Variants in DLGAP2 observed in about 807,000 individuals in gnomAD.
The protein encoded by DLGAP2 is disks large-associated protein 2.
DLGAP2 carries 26 observed loss-of-function variants against 100.3 expected under a neutral mutation model. The observed-to-expected ratio is 0.26, with a 90% CI of 0.19 to 0.36. DLGAP2 has a LOEUF of 0.36. DLGAP2 is among the 10% of genes least tolerant of loss of function. The probability of loss-of-function intolerance (pLI) is 1.00; values close to 1 mark genes in which losing one functional copy is unlikely to be tolerated. For missense variants in DLGAP2, 1,858 were observed against 1,453.2 expected (o/e 1.28, Z -4.53); for synonymous variants, 886 against 630.1 (o/e 1.41, Z -6.08).
At chr8:958,031 C>T (rs999159651) in intron 2 of DLGAP2, among the ~76,000 whole-genome samples, 8 of 152,170 alleles carry the variant, frequency 5.3e-5, no homozygotes, top group Non-Finnish European at 1.0e-4. Context: ...CATTAAACAG[C>T]AGCCCTCGCT....
At chr8:1,434,808 G>A (rs148913319) in intron 3 of DLGAP2, among the ~76,000 whole-genome samples, 23 of 152,264 alleles carry the variant, frequency 1.5e-4, no homozygotes, top group African/African-American at 4.8e-4. Flanking sequence ...AAAATGCTCC[G>A]TGAACATGAG....
chr8:812,255 G>A (rs1478301755), intron 1 of DLGAP2, among the ~76,000 whole-genome samples: 8 of 152,162 alleles, frequency 5.3e-5, no homozygotes, highest in Non-Finnish European at 8.8e-5. Flanking sequence ...GGAGGTGAAG[G>A]CCCCATGACC....
intron 2 of DLGAP2, among the ~76,000 whole-genome samples, chr8:976,602 A>T (rs1003160899): frequency 6.6e-6 from 1 of 151,964 alleles, no homozygotes; most frequent in African/African-American, 2.4e-5. Flanking sequence ...ACAGAGCAAG[A>T]CTCTGTCTCA....
At chr8:1,369,346 C>G (rs907483477) in intron 3 of DLGAP2, 1 of 152,296 alleles carries the variant, frequency 6.6e-6, no homozygotes, top group South Asian at 2.1e-4. Flanking sequence ...TTGCTGTGAC[C>G]TCACATGGTC....
intron 2 of DLGAP2, among the ~76,000 whole-genome samples, chr8:1,101,076 CAG>C (rs1165567803): frequency 6.6e-6 from 1 of 152,232 alleles, no homozygotes; most frequent in Non-Finnish European, 1.5e-5. Context: ...GTCTACTCCT[CAG>C]GGGCTAGAAG....
At chr8:1,418,890 G>A (rs527784509) in intron 3 of DLGAP2, among the ~76,000 whole-genome samples, 14 of 152,314 alleles carry the variant, frequency 9.2e-5, no homozygotes, top group African/African-American at 3.4e-4. Flanking sequence ...GGGTTCCCAT[G>A]GCTCTACCTC....
chr8:1,221,414 T>G (rs1798312273), intron 2 of DLGAP2, among the ~76,000 whole-genome samples: 1 of 152,228 alleles, frequency 6.6e-6, no homozygotes, highest in Non-Finnish European at 1.5e-5. Flanking sequence ...TTACGGATGC[T>G]GAATATAGTT....
chr8:1,333,910 T>A (rs1248017397), intron 3 of DLGAP2, among the ~76,000 whole-genome samples: 1 of 152,244 alleles, frequency 6.6e-6, no homozygotes, highest in Non-Finnish European at 1.5e-5. Flanking sequence ...GCCTCCCATC[T>A]GAGGCTCAGC....
intron 3 of DLGAP2, among the ~76,000 whole-genome samples, chr8:1,491,988 G>T (rs1446391328): frequency 1.3e-5 from 2 of 152,212 alleles, no homozygotes; most frequent in African/African-American, 4.8e-5. Flanking sequence ...CTCCGCTGTC[G>T]TGCGCCTTTG....
chr8:1,473,951 C>G (rs949110363), intron 3 of DLGAP2, among the ~76,000 whole-genome samples: 1 of 152,172 alleles, frequency 6.6e-6, no homozygotes, highest in African/African-American at 2.4e-5. Flanking sequence ...ATTACCCAGT[C>G]TTGTATATGT....
rs144888645 is a variant in DLGAP2 at position 1,646,547 on chromosome 8, A to G, written c.1810+13501A>G. 4.1e-3 allele frequency among the ~76,000 whole-genome samples: 629 copies of G among 152,370 alleles called. 2 individuals carry two copies. Among genetic ancestry groups the G allele is most frequent in the African/African-American group, 0.015 (607 of 41,592 alleles). ...TTTTTCAGGTTCTGTATTTAAAATG[A>G]TCAGAGAATTTACTAAGAGAATTCT... On this transcript the variant is annotated intron_variant, in intron 8 of 14. Coordinates refer to ENST00000637795, the MANE Select transcript of DLGAP2 (RefSeq NM_001346810.2).
chr8:822,444 G>T (rs1796601020), intron 1 of DLGAP2, among the ~76,000 whole-genome samples: 1 of 152,200 alleles, frequency 6.6e-6, no homozygotes, highest in Non-Finnish European at 1.5e-5. Context: ...ATGTTTCTCT[G>T]TTCAAACAGA....
At chr8:1,286,579 C>G (rs1291213582) in intron 3 of DLGAP2, among the ~76,000 whole-genome samples, 1 of 152,142 alleles carries the variant, frequency 6.6e-6, no homozygotes, top group Non-Finnish European at 1.5e-5. Context: ...GAGCTTTCCC[C>G]TCTCCATGCC....
At chr8:1,003,570 C>T (rs574653925) in intron 2 of DLGAP2, among the ~76,000 whole-genome samples, 15 of 152,242 alleles carry the variant, frequency 9.9e-5, no homozygotes, top group Non-Finnish European at 1.8e-4. Context: ...TTGGTTGAAG[C>T]CACTGTTCCT....
chr8:1,174,301 C>T (rs186203838), intron 2 of DLGAP2, among the ~76,000 whole-genome samples: 358 of 151,254 alleles, frequency 2.4e-3, no homozygotes, highest in Non-Finnish European at 3.0e-3. Context: ...TCATCACCAC[C>T]GTCATTACCA....
rs546067814 is a variant in DLGAP2 at position 1,346,840 on chromosome 8, A to G, written c.106+87957A>G. Among the ~76,000 whole-genome samples, 1,112 of 120,110 alleles carry G rather than the reference A, an allele frequency of 9.3e-3. 8 individuals are homozygous for G. Among genetic ancestry groups the G allele is most frequent in the African/African-American group, 0.034 (1,069 of 31,274 alleles). 78.8% of individuals were successfully genotyped at this position (120,110 alleles called of 152,430 possible). ...GCGTTCCCATACAGAGCTGCATTGCACTCATGGTAGCTGTGTGGAGGTTGA... is the reference window on the plus strand; with the variant it reads ...GCGTTCCCATACAGAGCTGCATTGCGCTCATGGTAGCTGTGTGGAGGTTGA... On this transcript the variant is annotated intron_variant, in intron 3 of 14. Coordinates refer to ENST00000637795, the MANE Select transcript of DLGAP2 (RefSeq NM_001346810.2).
At chr8:1,125,396 A>G (rs1796141969) in intron 2 of DLGAP2, among the ~76,000 whole-genome samples, 1 of 152,196 alleles carries the variant, frequency 6.6e-6, no homozygotes, top group Non-Finnish European at 1.5e-5. Context: ...TTCTTTCATT[A>G]TGTGAAATGG....
intron 3 of DLGAP2, among the ~76,000 whole-genome samples, chr8:1,447,726 T>C (rs1016297627): frequency 6.6e-6 from 1 of 152,212 alleles, no homozygotes; most frequent in African/African-American, 2.4e-5. Context: ...TGGACTTTTT[T>C]TGGTTGGTAA....
At chr8:968,259 C>T (rs1049983769) in intron 2 of DLGAP2, among the ~76,000 whole-genome samples, 3 of 152,072 alleles carry the variant, frequency 2.0e-5, no homozygotes, top group African/African-American at 4.8e-5. Context: ...GGGGCCCCTG[C>T]CCCCAACCCC....
Sources: gnomAD v4.1 joint callset for allele counts (sites outside exome capture counted in the v4.1 genomes callset) on GRCh38, gnomAD v4.1.1 for gene constraint, MANE v1.5 for transcripts, NCBI Gene and HGNC (gene_info 2026-07-23, HGNC 2026-07-21) for gene names.